The following DNAJC7 variants were observed in gnomAD, a reference collection of about 807,000 sequenced individuals.
DNAJC7 encodes DnaJ heat shock protein family (Hsp40) member C7.
In DNAJC7, 18 loss-of-function variants were observed where a neutral mutation model predicts 67.4. The observed-to-expected ratio is 0.27, with a 90% CI of 0.18 to 0.40. The LOEUF (loss-of-function observed/expected upper bound fraction) is 0.40, where lower values mean the gene tolerates loss of function less well. Ranked by LOEUF, DNAJC7 falls within the 10% of genes least tolerant of loss-of-function variation. The probability of loss-of-function intolerance (pLI) is 1.00; values close to 1 mark genes in which losing one functional copy is unlikely to be tolerated. For missense variants in DNAJC7, 419 were observed against 613.8 expected (o/e 0.68, Z 3.35); for synonymous variants, 220 against 207.8 (o/e 1.06, Z -0.50).
Position 41,988,745 on chromosome 17 carries a change from G to A in DNAJC7, c.905C>T (p.Thr302Met), listed in dbSNP as rs782621376. ...TCAAGAGCTTACCTTGGAATTAACC[G>A]TACCCCGATTACAGTAGAGTTTAGC... ...TNAKLYCNRG[T>M]VNSKLRKLDD... Residue 302 changes from threonine to methionine, a missense_variant, in exon 8 of 14, where the codon ACG becomes ATG. Thr to Met is a moderately conservative substitution (Grantham distance 81). Coordinates refer to ENST00000457167, the MANE Select transcript of DNAJC7 (RefSeq NM_003315.4). 6.2e-6 allele frequency: 10 copies of A among 1,604,166 alleles called. No homozygotes were observed. Among genetic ancestry groups the A allele is most frequent in the African/African-American group, 1.4e-5 (1 of 74,056 alleles).
At chr17:41,977,122 G>T in intron 13 of DNAJC7, 139 bp downstream of exon 13, 1 of 878,724 alleles carries the variant, frequency 1.1e-6, no homozygotes, top group Non-Finnish European at 1.8e-6. Flanking sequence ...AGCAACAGCC[G>T]AGTGGATAGA....
chr17:41,994,189 A>G (rs1415315230), intron 5 of DNAJC7, among the ~76,000 whole-genome samples: 10 of 151,686 alleles, frequency 6.6e-5, no homozygotes, highest in African/African-American at 2.4e-4. Context: ...TACAAAAATT[A>G]GCTGGGCGTG....
chr17:42,017,374 C>T lies in DNAJC7; in HGVS notation c.43G>A (p.Glu15Lys), dbSNP rs1312022213. ...AECDVVMAAT[E>K]PELLDDQEAK... Reference sequence around the variant, plus strand: ...TCTTGGTCGTCGAGCAGCTCCGGCTCGGTCGCCGCCATTACCACATCGCAC... The same window carrying T: ...TCTTGGTCGTCGAGCAGCTCCGGCTTGGTCGCCGCCATTACCACATCGCAC... The change falls in exon 1 of 14, where the codon GAG becomes AAG. Residue 15 changes from glutamate (E) to lysine (K), a missense_variant. Around this residue, in one of 4 missense-constraint regions of DNAJC7, gnomAD observed 63 missense variants for 54.0 expected, o/e 1.17. Coordinates refer to ENST00000457167, the MANE Select transcript of DNAJC7 (RefSeq NM_003315.4). 1.9e-6 allele frequency: 3 copies of T among 1,610,492 alleles called. No homozygotes were observed. The highest frequency in any genetic ancestry group is 1.7e-6 in the Non-Finnish European group (2 of 1,179,884).
chr17:42,012,019 T>C (rs2052131579), intron 1 of DNAJC7, among the ~76,000 whole-genome samples: 1 of 152,228 alleles, frequency 6.6e-6, no homozygotes, highest in Admixed American at 6.5e-5. Context: ...CTAATAAGAA[T>C]TGCTCTTATT....
intron 10 of DNAJC7, among the ~76,000 whole-genome samples, chr17:41,982,886 G>A (rs1431087553): frequency 6.6e-6 from 1 of 151,774 alleles, no homozygotes; most frequent in Non-Finnish European, 1.5e-5. Context: ...TTTGAACCTG[G>A]GAGGCAAAGG....
chr17:42,006,199 G>A (rs2051948522), intron 1 of DNAJC7, among the ~76,000 whole-genome samples: 1 of 150,868 alleles, frequency 6.6e-6, no homozygotes, highest in Non-Finnish European at 1.5e-5. Flanking sequence ...TGTTACCTAG[G>A]CTGGAGTGCA....
At chr17:42,005,749 CT>C (rs111739503) in intron 1 of DNAJC7, among the ~76,000 whole-genome samples, 2 of 150,906 alleles carry the variant, frequency 1.3e-5, no homozygotes, top group South Asian at 2.1e-4. Flanking sequence ...TTTGTTTTTT[CT>C]TTTTTTTTGA....
intron 1 of DNAJC7, chr17:42,016,008 T>C (rs1428328538): frequency 1.3e-5 from 2 of 152,206 alleles, no homozygotes; most frequent in African/African-American, 2.4e-5. Context: ...TCTTTAATGA[T>C]GTATAAGGGT....
intron 1 of DNAJC7, among the ~76,000 whole-genome samples, chr17:42,008,968 C>G (rs1279053591): frequency 6.6e-6 from 1 of 152,190 alleles, no homozygotes; most frequent in Non-Finnish European, 1.5e-5. Context: ...TCTCTGCCTT[C>G]CAAAGTGTTG....
intron 1 of DNAJC7, among the ~76,000 whole-genome samples, chr17:42,001,666 G>A (rs144681197): frequency 6.6e-6 from 1 of 152,308 alleles, no homozygotes; most frequent in African/African-American, 2.4e-5. Context: ...GTTCGGGGTT[G>A]CCTGAAGTTG....
At chr17:41,978,142 C>G (rs1555645281) in intron 12 of DNAJC7, among the ~76,000 whole-genome samples, 2 of 152,214 alleles carry the variant, frequency 1.3e-5, no homozygotes, top group Admixed American at 6.5e-5. Flanking sequence ...AGCAGCAGAA[C>G]TGGAAAATCC....
intron 1 of DNAJC7, among the ~76,000 whole-genome samples, chr17:42,003,950 A>ATTTTTTTTT (rs10631965): frequency 3.2e-5 from 3 of 94,330 alleles, no homozygotes; most frequent in Admixed American, 1.5e-4. Flanking sequence ...AAGATTTTCA[A>ATTTTTTTTT]TTTTTTTTTT....
intron 8 of DNAJC7, 24 bp from the exon 9 acceptor site, chr17:41,987,934 T>C: frequency 1.3e-6 from 2 of 1,591,852 alleles, no homozygotes; most frequent in Non-Finnish European, 1.7e-6. Context: ...AGAGCAATCA[T>C]ACTTCACACC....
intron 4 of DNAJC7, 65 bp downstream of exon 4, chr17:41,996,246 A>C (rs1018331101): frequency 9.1e-6 from 14 of 1,543,064 alleles, no homozygotes; most frequent in East Asian, 6.8e-5. Context: ...TCCGACTTTC[A>C]AGTAGCCACT....
intron 5 of DNAJC7, among the ~76,000 whole-genome samples, chr17:41,994,000 G>A (rs782216354): frequency 6.7e-6 from 1 of 148,848 alleles, no homozygotes; most frequent in Non-Finnish European, 1.5e-5. Flanking sequence ...CCGAGATCAC[G>A]CCACTGCACT....
rs562462442 is a variant in DNAJC7, at chr17:42,008,991, T to C, written c.77+8349A>G. ...TTCCAAAGTGTTGGGATTAAAGGCGTGAGCCATCACGCCGGGCCATAGATA... is the reference window on the plus strand; with the variant it reads ...TTCCAAAGTGTTGGGATTAAAGGCGCGAGCCATCACGCCGGGCCATAGATA... On this transcript the variant is annotated intron_variant, in intron 1 of 13. Transcript: ENST00000457167. Among the ~76,000 whole-genome samples the C allele has an allele frequency of 3.3e-5, 5 of 152,376 alleles. No individual in the cohort carries two copies. In the East Asian group the frequency reaches 9.6e-4, roughly 29 times the overall value.
At chr17:41,999,820 A>G (rs1567965353) in intron 2 of DNAJC7, among the ~76,000 whole-genome samples, 1 of 150,634 alleles carries the variant, frequency 6.6e-6, no homozygotes, top group Non-Finnish European at 1.5e-5. Flanking sequence ...AGCCTGGCCT[A>G]TTTTTTTTAT....
At chr17:41,992,831 A>C (rs2143204026) in intron 5 of DNAJC7, 1 of 152,326 alleles carries the variant, frequency 6.6e-6, no homozygotes, top group Admixed American at 6.5e-5. Context: ...GGGATGTCAC[A>C]AACAGAGGAT....
rs1555652142 is a variant in DNAJC7, at chr17:42,017,403, G to C, written c.14C>G (p.Ala5Gly). The C allele has an allele frequency of 2.5e-6, 4 of 1,608,432 alleles. No individual in the cohort carries two copies. In the African/African-American group the frequency reaches 5.3e-5, roughly 21 times the overall value. Residue 5 changes from alanine to glycine, a missense_variant, in exon 1 of 14, where the codon GCG (alanine) becomes GGG (glycine). By Grantham distance (60) the Ala-to-Gly change is moderately conservative. Around this residue, in one of 4 missense-constraint regions of DNAJC7, gnomAD observed 63 missense variants for 54.0 expected, o/e 1.17. Transcript: ENST00000457167. MAAA[A>G]ECDVVMAATE... ...CGCCGCCATTACCACATCGCACTCC[G>C]CGGCAGCCGCCATCTTACCGCCGGG...
Sources: gnomAD v4.1 joint callset for allele counts (sites outside exome capture counted in the v4.1 genomes callset) on GRCh38, gnomAD v4.1.1 for gene constraint, gnomAD v4.1.1 regional missense constraint, MANE v1.5 for transcripts, NCBI Gene and HGNC (gene_info 2026-07-23, HGNC 2026-07-21) for gene names.